The following TCERG1 variants were observed in gnomAD, a reference collection of about 807,000 sequenced individuals.
The protein encoded by TCERG1 is TATA box binding protein (TBP)-associated factor, RNA polymerase II, S, 150kD.
Under a neutral mutation model 144.7 loss-of-function variants are expected in TCERG1, and 37 were observed. The ratio of observed to expected loss-of-function variants is 0.26; its 90% CI spans 0.20 to 0.34. The LOEUF is 0.34. Ranked by LOEUF, TCERG1 falls within the 10% of genes least tolerant of loss-of-function variation. The probability of loss-of-function intolerance (pLI) is 1.00; values close to 1 mark genes in which losing one functional copy is unlikely to be tolerated. For synonymous variants in TCERG1, 492 were observed against 458.2 expected (o/e 1.07, Z -0.94); for missense variants, 1,027 against 1,380.7 (o/e 0.74, Z 4.06).
At chr5:146,505,903 A>T (rs975754798) in intron 19 of TCERG1, among the ~76,000 whole-genome samples, 1 of 152,032 alleles carries the variant, frequency 6.6e-6, no homozygotes, top group Non-Finnish European at 1.5e-5. Context: ...CAGTCTCCTG[A>T]GTAGCTGGGA....
chr5:146,503,178 C>T (rs986914863), intron 17 of TCERG1, 197 bp from the exon 18 acceptor site: 40 of 381,102 alleles, frequency 1.0e-4, no homozygotes, highest in African/African-American at 7.5e-4. Flanking sequence ...ATATGCTTGT[C>T]GATGTTTACA....
At chr5:146,493,713 G>C in intron 16 of TCERG1, among the ~76,000 whole-genome samples, 1 of 152,046 alleles carries the variant, frequency 6.6e-6, no homozygotes, top group East Asian at 1.9e-4. Flanking sequence ...TTTTATATGA[G>C]ATAAGCAAAT....
intron 17 of TCERG1, 151 bp from the exon 18 acceptor site, chr5:146,503,224 A>T: frequency 1.7e-6 from 1 of 605,672 alleles, no homozygotes; most frequent in Non-Finnish European, 2.7e-6. Context: ...CTTTTACTGT[A>T]ATTCTACTCT....
Position 146,470,657 on chromosome 5 carries a change from A to C in TCERG1, c.1421A>C (p.Lys474Thr). 6.2e-7 allele frequency: 1 copy of C among 1,607,452 alleles called. No individual in the cohort carries two copies. The highest frequency in any genetic ancestry group is 1.1e-5 in the South Asian group (1 of 89,224). ...ATAGAAAAGTTAGAAGAGAAGATTA[A>C]AGAGCCAATTAAAGAACCCTCTGAA... ...KEKEKLEEKI[K>T]EPIKEPSEEP... is the part of the protein sequence containing the mutation. The change falls in exon 8 of 23, where the codon AAA becomes ACA. Residue 474 changes from lysine to threonine, a missense_variant. Lys to Thr is a moderately conservative substitution (Grantham distance 78). Around this residue, in one of 6 missense-constraint regions of TCERG1, gnomAD observed 482 missense variants for 632.6 expected, o/e 0.76. Coordinates refer to ENST00000679501, the MANE Select transcript of TCERG1 (RefSeq NM_001382548.1).
chr5:146,471,055 A>C (rs1177566741), intron 8 of TCERG1, among the ~76,000 whole-genome samples: 1 of 152,142 alleles, frequency 6.6e-6, no homozygotes, highest in East Asian at 1.9e-4. Context: ...TTACTTGGGG[A>C]ATGTTAGATA....
rs1458537123 is a variant in TCERG1 at position 146,507,784 on chromosome 5, T to G, written c.2962-89T>G. ...GGCATTACAAGAGATCGCAGGTCAG[T>G]GTGTAATATTATGTACCTATGTGCT... On this transcript the variant is annotated intron_variant, in intron 20 of 22. Coordinates refer to ENST00000679501, the MANE Select transcript of TCERG1 (RefSeq NM_001382548.1). The surrounding 1 kb of genome is among the most constrained non-coding windows in gnomAD (Gnocchi z 4.6). 1.3e-6 allele frequency: 1 copy of G among 775,074 alleles called. No homozygotes were observed. The highest frequency in any genetic ancestry group is 2.1e-6 in the Non-Finnish European group (1 of 484,244). 48.0% of individuals were successfully genotyped at this position (775,074 alleles called of 1,614,324 possible).
intron 9 of TCERG1, among the ~76,000 whole-genome samples, chr5:146,472,515 A>G (rs1313784717): frequency 6.6e-6 from 1 of 152,180 alleles, no homozygotes; most frequent in African/African-American, 2.4e-5. Flanking sequence ...CCCATGTAAG[A>G]TGGTGAACCT....
At chr5:146,479,990 T>G (rs987710459) in intron 11 of TCERG1, 38 bp from the exon 12 acceptor site, 1 of 1,593,520 alleles carries the variant, frequency 6.3e-7, no homozygotes, top group Non-Finnish European at 8.6e-7. Context: ...AGCAGAAGGA[T>G]TCATTCCTAA....
chr5:146,455,422 T>A lies in TCERG1; in HGVS notation c.285+141T>A, dbSNP rs1762742291. 24 of 961,580 alleles carry A rather than the reference T, an allele frequency of 2.5e-5. No homozygotes were observed. In the Admixed American group the frequency reaches 5.8e-4, roughly 23 times the overall value. 59.6% of individuals were successfully genotyped at this position (961,580 alleles called of 1,614,324 possible). A position where few individuals can be genotyped will look rare whatever the true frequency, so the allele number is the denominator to read the frequency against. ...TAAAGAGAAGATCCATATATTAATA[T>A]GTTTCTTCTGAATTAGTGGTAGCAG... On this transcript the variant is annotated intron_variant, in intron 2 of 22. Transcript: ENST00000679501.
chr5:146,468,162 A>G (rs1277464392), intron 5 of TCERG1, among the ~76,000 whole-genome samples, 179 bp from the exon 6 acceptor site: 1 of 152,142 alleles, frequency 6.6e-6, no homozygotes, highest in Non-Finnish European at 1.5e-5. Context: ...AATTAGTGTC[A>G]TTGGATTTGG....
At chr5:146,482,297 T>A in intron 13 of TCERG1, 1 of 185,782 alleles carries the variant, frequency 5.4e-6, no homozygotes, top group Non-Finnish European at 1.1e-5. Flanking sequence ...TTTTTTTAAG[T>A]AAGGTTGCTC....
chr5:146,448,755 A>G (rs1461564027), intron 1 of TCERG1, among the ~76,000 whole-genome samples: 2 of 152,208 alleles, frequency 1.3e-5, no homozygotes, highest in East Asian at 1.9e-4. Context: ...TAAACTCCAT[A>G]TGTATACAGT....
chr5:146,503,581 C>T, intron 18 of TCERG1, 42 bp downstream of exon 18: 2 of 1,599,688 alleles, frequency 1.3e-6, no homozygotes, highest in Admixed American at 3.4e-5. Flanking sequence ...TTGAATAATA[C>T]AATTCTTGTG....
chr5:146,468,619 A>G (rs1763999112), intron 6 of TCERG1, among the ~76,000 whole-genome samples: 1 of 152,232 alleles, frequency 6.6e-6, no homozygotes, highest in Admixed American at 6.5e-5. Flanking sequence ...AAAACAAATA[A>G]GGTCAGATCA....
chr5:146,447,579 G>A (rs1334697531), intron 1 of TCERG1, among the ~76,000 whole-genome samples, 171 bp downstream of exon 1: 1 of 152,214 alleles, frequency 6.6e-6, no homozygotes, highest in African/African-American at 2.4e-5. Context: ...TTGAATGAGA[G>A]CCGGGCCCGG....
intron 9 of TCERG1, among the ~76,000 whole-genome samples, chr5:146,475,588 G>A (rs1020118354): frequency 6.6e-6 from 1 of 150,516 alleles, no homozygotes; most frequent in Non-Finnish European, 1.5e-5. Flanking sequence ...TCATTAACCC[G>A]ATTAAATCAT....
chr5:146,505,189 C>A (rs965529233), intron 19 of TCERG1, among the ~76,000 whole-genome samples: 9 of 151,894 alleles, frequency 5.9e-5, no homozygotes, highest in Admixed American at 5.9e-4. Context: ...TTGCATGTGG[C>A]CTGTGGGCCA....
intron 1 of TCERG1, among the ~76,000 whole-genome samples, chr5:146,453,337 AG>A (rs1762523485): frequency 2.0e-5 from 3 of 152,240 alleles, no homozygotes; most frequent in African/African-American, 7.2e-5. Flanking sequence ...AAATAAAGCT[AG>A]GGTGTTATTC....
At chr5:146,474,558 A>G (rs1002917768) in intron 9 of TCERG1, among the ~76,000 whole-genome samples, 3 of 152,212 alleles carry the variant, frequency 2.0e-5, no homozygotes, top group African/African-American at 7.2e-5. Flanking sequence ...GTAAAATGCT[A>G]TCAAACAGCA....
Sources: allele counts gnomAD v4.1 joint callset (sites outside exome capture counted in the v4.1 genomes callset), GRCh38; gene constraint gnomAD v4.1.1; regional missense constraint gnomAD v4.1.1; non-coding constraint Gnocchi (gnomAD v3.1); transcripts MANE v1.5; gene names NCBI Gene and HGNC (gene_info 2026-07-23, HGNC 2026-07-21).